The following PCDHGA8 variants were observed in gnomAD, a reference collection of about 807,000 sequenced individuals.
PCDHGA8 encodes the protein protocadherin gamma-A8.
Under a neutral mutation model 59.2 loss-of-function variants are expected in PCDHGA8, and 45 were observed. The observed-to-expected ratio is 0.76, with a 90% CI of 0.60 to 0.98. The LOEUF (loss-of-function observed/expected upper bound fraction) is 0.98. Among genes scored for constraint, PCDHGA8 ranks in the 50% least tolerant of loss-of-function variants. The probability of loss-of-function intolerance (pLI) is 0.00; values close to 1 mark genes in which losing one functional copy is unlikely to be tolerated. For synonymous variants in PCDHGA8, 531 were observed against 519.0 expected, an observed-to-expected ratio of 1.02 and a Z score of -0.32; for missense variants, 1,257 against 1,196.2, an observed-to-expected ratio of 1.05 and a Z score of -0.75.
chr5:141,414,934 G>A (rs1473788181), intron 1 of PCDHGA8: 1 of 1,614,146 alleles, frequency 6.2e-7, no homozygotes, highest in South Asian at 1.1e-5. Context: ...CCGCTCCGCA[G>A]AGCCCGGCTA....
At chr5:141,409,919 G>A in intron 1 of PCDHGA8, 1 of 1,613,346 alleles carries the variant, frequency 6.2e-7, no homozygotes, top group Non-Finnish European at 8.5e-7. Flanking sequence ...TGACGGCTCC[G>A]CGTTCTTCGA....
chr5:141,399,659 T>A (rs1277891886), intron 1 of PCDHGA8: 1 of 1,613,684 alleles, frequency 6.2e-7, no homozygotes, highest in African/African-American at 1.3e-5. Flanking sequence ...GGGGTGGTGT[T>A]CGCGCAGCGC....
intron 1 of PCDHGA8, chr5:141,413,526 G>A: frequency 6.2e-7 from 1 of 1,613,936 alleles, no homozygotes; most frequent in Non-Finnish European, 8.5e-7. Context: ...TGGAAGACAG[G>A]GTGAAACTTT....
chr5:141,450,908 G>A (rs1248622378), intron 1 of PCDHGA8, among the ~76,000 whole-genome samples: 12 of 147,640 alleles, frequency 8.1e-5, no homozygotes, highest in East Asian at 6.0e-4. Flanking sequence ...CACTGCAACC[G>A]CTGCCTCCCA....
rs369406530 is a variant in PCDHGA8, at chr5:141,393,504, A to C, written c.691A>C (p.Thr231Pro). The change falls in exon 1 of 4, where the codon ACA becomes CCA. Residue 231 changes from threonine (T) to proline (P), a missense_variant. Transcript: ENST00000398604. ...PRSSTVRIHV[T>P]VLDTNDNAPV... is the part of the protein sequence containing the mutation. ...CTCTAGCACAGTGCGCATCCACGTG[A>C]CAGTGTTGGATACAAATGACAATGC... 16 of 1,613,918 alleles carry C rather than the reference A, an allele frequency of 9.9e-6. No individual in the cohort carries two copies. In the African/African-American group the frequency reaches 2.0e-4, roughly 20 times the overall value.
chr5:141,447,427 C>T (rs752438597), intron 1 of PCDHGA8, among the ~76,000 whole-genome samples: 2 of 152,174 alleles, frequency 1.3e-5, no homozygotes, highest in Non-Finnish European at 2.9e-5. Context: ...CGTGAGCCAC[C>T]GCACCCGGAG....
intron 1 of PCDHGA8, among the ~76,000 whole-genome samples, chr5:141,406,328 C>T (rs1235799294): frequency 1.3e-5 from 2 of 152,062 alleles, no homozygotes; most frequent in Non-Finnish European, 2.9e-5. Context: ...ATTCTTACTC[C>T]TACGATCATT....
chr5:141,444,146 T>C (rs2098418879), intron 1 of PCDHGA8, among the ~76,000 whole-genome samples: 2 of 145,824 alleles, frequency 1.4e-5, no homozygotes, highest in South Asian at 4.3e-4. Flanking sequence ...CACTTGTGTG[T>C]ACTGGATTTT....
At chr5:141,457,116 C>T (rs933634563) in intron 1 of PCDHGA8, among the ~76,000 whole-genome samples, 5 of 152,176 alleles carry the variant, frequency 3.3e-5, no homozygotes, top group Non-Finnish European at 7.3e-5. Flanking sequence ...AATACGACAG[C>T]AATGGAAACT....
intron 1 of PCDHGA8, chr5:141,423,313 G>T (rs1407028245): frequency 1.2e-6 from 2 of 1,614,184 alleles, no homozygotes; most frequent in Non-Finnish European, 1.7e-6. Context: ...GTACTTGGTG[G>T]TGGCGGTGGC....
At chr5:141,475,315 A>G (rs766425496) in intron 1 of PCDHGA8, among the ~76,000 whole-genome samples, 2 of 152,182 alleles carry the variant, frequency 1.3e-5, no homozygotes, top group Non-Finnish European at 2.9e-5. Flanking sequence ...CCTGGTTCTT[A>G]AGAAATGAGA....
chr5:141,400,028 C>T (rs2093943957), intron 1 of PCDHGA8: 1 of 1,613,054 alleles, frequency 6.2e-7, no homozygotes. Context: ...AGGGACGCGG[C>T]CCGCCAGCGC....
At chr5:141,418,594 C>A in intron 1 of PCDHGA8, 4 of 1,614,022 alleles carry the variant, frequency 2.5e-6, no homozygotes, top group Non-Finnish European at 3.4e-6. Context: ...TCAGCCAGGA[C>A]GTGTACAGGG....
At chr5:141,403,774 C>A (rs1350465491) in intron 1 of PCDHGA8, 1 of 1,613,786 alleles carries the variant, frequency 6.2e-7, no homozygotes, top group Non-Finnish European at 8.5e-7. Context: ...AGGGAATCAA[C>A]GGAAAAGTGG....
chr5:141,444,997 A>G (rs2154560871), intron 1 of PCDHGA8, among the ~76,000 whole-genome samples: 1 of 152,292 alleles, frequency 6.6e-6, no homozygotes, highest in Admixed American at 6.5e-5. Context: ...ATATATTTCC[A>G]TTTAATTAGG....
intron 1 of PCDHGA8, among the ~76,000 whole-genome samples, chr5:141,479,041 C>T (rs1346986831): frequency 1.2e-4 from 18 of 152,100 alleles, no homozygotes; most frequent in Admixed American, 1.2e-3. Flanking sequence ...AGATCGTGTA[C>T]CTCATTCTCA....
Position 141,393,095 on chromosome 5 carries a change from G to A in PCDHGA8, c.282G>A (p.Glu94=), listed in dbSNP as rs1057103671. The change falls in exon 1 of 4, where the codon GAG becomes GAA. Residue 94 remains glutamate (E), a synonymous_variant. Transcript: ENST00000398604. ...CCGCGGGCAGGATAGATCGGGAGGA[G>A]CTCTGCGCTCAGAGCCCGCGGTGTC... ...LITAGRIDRE[E]LCAQSPRCLI... is the part of the protein sequence containing the mutation. The A allele has an allele frequency of 3.1e-6, 5 of 1,613,520 alleles. No homozygotes were observed. The East Asian group carries it at 8.9e-5, about 29-fold the overall frequency.
At chr5:141,413,501 G>A (rs772110374) in intron 1 of PCDHGA8, 1 of 1,614,040 alleles carries the variant, frequency 6.2e-7, no homozygotes, top group Non-Finnish European at 8.5e-7. Context: ...TGCGTGGTGA[G>A]TTTTAATATC....
At chr5:141,472,980 C>CAAAAAAAAAA (rs60579131) in intron 1 of PCDHGA8, among the ~76,000 whole-genome samples, 34 of 85,838 alleles carry the variant, frequency 4.0e-4, no homozygotes, top group South Asian at 1.3e-3. Context: ...GAGTGAAACT[C>CAAAAAAAAAA]AAAAAAAAAA....
Sources: allele counts gnomAD v4.1 joint callset (sites outside exome capture counted in the v4.1 genomes callset), GRCh38; gene constraint gnomAD v4.1.1; transcripts MANE v1.5; gene names NCBI Gene and HGNC (gene_info 2026-07-23, HGNC 2026-07-21).